TBC1D1: variants seen among roughly 807,000 people sequenced by gnomAD.
The protein encoded by TBC1D1 is TBC1 (tre-2/USP6, BUB2, cdc16) domain family, member 1.
A neutral mutation model predicts 125.6 loss-of-function variants in TBC1D1; 89 were observed. The observed-to-expected ratio is 0.71, with a 90% CI of 0.60 to 0.85. TBC1D1 has a LOEUF of 0.85. Ranked by LOEUF, TBC1D1 falls within the 40% of genes least tolerant of loss-of-function variation. The probability of loss-of-function intolerance (pLI) is 0.00; values close to 1 mark genes in which losing one functional copy is unlikely to be tolerated. For synonymous variants in TBC1D1, 565 were observed against 564.1 expected, an observed-to-expected ratio of 1.00 and a Z score of -0.02; for missense variants, 1,377 against 1,469.2, an observed-to-expected ratio of 0.94 and a Z score of 1.03.
At chr4:38,084,136 G>A (rs1274626164) in intron 12 of TBC1D1, among the ~76,000 whole-genome samples, 5 of 152,032 alleles carry the variant, frequency 3.3e-5, no homozygotes, top group Non-Finnish European at 7.4e-5. Flanking sequence ...GGGTTTCACC[G>A]TGTTAGCCAG....
At chr4:38,012,615 A>G (rs1005146501) in intron 2 of TBC1D1, among the ~76,000 whole-genome samples, 8 of 152,010 alleles carry the variant, frequency 5.3e-5, no homozygotes, top group African/African-American at 1.9e-4. Context: ...GTTGTGAACC[A>G]TTGGCAAAGA....
At chr4:38,086,349 G>A (rs934598877) in intron 12 of TBC1D1, among the ~76,000 whole-genome samples, 3 of 152,184 alleles carry the variant, frequency 2.0e-5, no homozygotes, top group African/African-American at 7.2e-5. Flanking sequence ...CATTGATGGT[G>A]GGCAGATGCT....
chr4:37,904,827 A>G (rs903106605), intron 2 of TBC1D1, among the ~76,000 whole-genome samples: 2 of 152,266 alleles, frequency 1.3e-5, no homozygotes, highest in African/African-American at 4.8e-5. Context: ...ACAGTAAATC[A>G]CACTGGCCAT....
At chr4:37,896,195 C>T (rs1199732824) in intron 1 of TBC1D1, among the ~76,000 whole-genome samples, 2 of 152,158 alleles carry the variant, frequency 1.3e-5, no homozygotes, top group Non-Finnish European at 2.9e-5. Context: ...AGCACCCCTC[C>T]ATTCATCCTT....
intron 11 of TBC1D1, among the ~76,000 whole-genome samples, chr4:38,053,949 T>C (rs1751195859): frequency 6.6e-6 from 1 of 152,244 alleles, no homozygotes; most frequent in Admixed American, 6.5e-5. Flanking sequence ...GGAACATGTT[T>C]CTTAATCTCT....
intron 2 of TBC1D1, among the ~76,000 whole-genome samples, chr4:37,937,697 C>T (rs1724680815): frequency 6.6e-6 from 1 of 152,112 alleles, no homozygotes; most frequent in Non-Finnish European, 1.5e-5. Context: ...ACTTCCTAGC[C>T]ACTATAGGGT....
intron 12 of TBC1D1, among the ~76,000 whole-genome samples, chr4:38,078,618 T>G (rs933381063): frequency 2.6e-5 from 4 of 152,180 alleles, no homozygotes; most frequent in African/African-American, 9.7e-5. Context: ...GAGCTTCCTC[T>G]CTCTTCACCC....
intron 2 of TBC1D1, among the ~76,000 whole-genome samples, chr4:37,921,282 G>A (rs1720924562): frequency 6.6e-6 from 1 of 151,638 alleles, no homozygotes. Context: ...AGATTGCAGA[G>A]AGGAGTGGAT....
At chr4:37,908,516 G>A (rs1717847893) in intron 2 of TBC1D1, among the ~76,000 whole-genome samples, 1 of 152,080 alleles carries the variant, frequency 6.6e-6, no homozygotes, top group African/African-American at 2.4e-5. Context: ...CACGCCAAAT[G>A]TTTTTTAACT....
At chr4:38,035,075 T>A (rs1432987073) in intron 7 of TBC1D1, among the ~76,000 whole-genome samples, 1 of 152,160 alleles carries the variant, frequency 6.6e-6, no homozygotes, top group Non-Finnish European at 1.5e-5. Context: ...ATTTTTTTTT[T>A]AAAGAAAGAA....
intron 12 of TBC1D1, among the ~76,000 whole-genome samples, chr4:38,070,298 A>G (rs1409561989): frequency 6.6e-6 from 1 of 152,242 alleles, no homozygotes; most frequent in Non-Finnish European, 1.5e-5. Flanking sequence ...TTTATCCTGT[A>G]ATAAGAATTT....
intron 14 of TBC1D1, among the ~76,000 whole-genome samples, chr4:38,101,559 G>T (rs1760337095): frequency 6.6e-6 from 1 of 152,194 alleles, no homozygotes; most frequent in Non-Finnish European, 1.5e-5. Context: ...ATTAGTTAGA[G>T]GCTCTTGGAC....
intron 8 of TBC1D1, among the ~76,000 whole-genome samples, chr4:38,041,613 T>G (rs1466792119): frequency 1.3e-5 from 2 of 152,236 alleles, no homozygotes; most frequent in African/African-American, 2.4e-5. Context: ...ATATTTGCAC[T>G]CTGACTAAAG....
chr4:37,982,153 G>T (rs745971993), intron 2 of TBC1D1, among the ~76,000 whole-genome samples: 9 of 152,174 alleles, frequency 5.9e-5, no homozygotes, highest in Non-Finnish European at 1.2e-4. Flanking sequence ...GTTTCCTGCA[G>T]ACTAGACCAG....
intron 4 of TBC1D1, among the ~76,000 whole-genome samples, chr4:38,018,743 CTT>C (rs956223852): frequency 2.0e-5 from 3 of 152,020 alleles, no homozygotes; most frequent in Non-Finnish European, 4.4e-5. Flanking sequence ...ATGTGTGTGT[CTT>C]TGTGCATATT....
intron 2 of TBC1D1, among the ~76,000 whole-genome samples, chr4:38,011,169 A>T (rs35990484): frequency 0.21 from 32,325 of 151,832 alleles, 3,803 homozygotes; most frequent in East Asian, 0.49. Context: ...CTGACCGACA[A>T]GGAGAAACCC....
At chr4:37,969,224 C>A (rs1191110657) in intron 2 of TBC1D1, among the ~76,000 whole-genome samples, 1 of 152,216 alleles carries the variant, frequency 6.6e-6, no homozygotes, top group African/African-American at 2.4e-5. Context: ...TAAGACATAT[C>A]ATTCACACTA....
intron 2 of TBC1D1, among the ~76,000 whole-genome samples, chr4:37,999,377 G>A (rs1299332566): frequency 6.6e-6 from 1 of 152,070 alleles, no homozygotes; most frequent in East Asian, 1.9e-4. Context: ...ATATTTAATC[G>A]AAGTGAATTA....
chr4:38,079,139 G>A (rs958432022), intron 12 of TBC1D1, among the ~76,000 whole-genome samples: 7 of 152,120 alleles, frequency 4.6e-5, no homozygotes, highest in Non-Finnish European at 2.9e-5. Flanking sequence ...GTAATGAGCT[G>A]CTTTTCTGTA....
Sources: allele counts gnomAD v4.1 joint callset (sites outside exome capture counted in the v4.1 genomes callset), GRCh38; gene constraint gnomAD v4.1.1; transcripts MANE v1.5; gene names NCBI Gene and HGNC (gene_info 2026-07-23, HGNC 2026-07-21).